The following CSMD2 variants were observed in gnomAD, a reference collection of about 807,000 sequenced individuals.
The protein encoded by CSMD2 is CUB and sushi domain-containing protein 2.
In CSMD2, 130 loss-of-function variants were observed where a neutral mutation model predicts 398.5. The observed-to-expected ratio is 0.33, with a 90% CI of 0.28 to 0.38. The LOEUF (loss-of-function observed/expected upper bound fraction) is 0.38, where lower values mean the gene tolerates loss of function less well. CSMD2 is among the 10% of genes least tolerant of loss of function. The pLI is 1.00. For missense variants in CSMD2, 3,829 were observed against 4,764.9 expected, an observed-to-expected ratio of 0.80 and a Z score of 5.78; for synonymous variants, 1,828 against 1,908.5, an observed-to-expected ratio of 0.96 and a Z score of 1.10.
intron 2 of CSMD2, among the ~76,000 whole-genome samples, chr1:34,053,964 A>T (rs1427085100): frequency 6.6e-6 from 1 of 152,162 alleles, no homozygotes; most frequent in East Asian, 1.9e-4. Flanking sequence ...GCCCACCTGA[A>T]TTTGTAAATA....
rs1351612059 is a variant in CSMD2 at position 33,982,963 on chromosome 1, G to A, written c.518-47009C>T. On this transcript the variant is annotated intron_variant, in intron 3 of 70. Transcript: ENST00000373381. ...GGAGCCCAAGAAGGATGAATTAAAGGGGAGTGAGATGAGGAGGGCAACACT... is the reference window on the plus strand; with the variant it reads ...GGAGCCCAAGAAGGATGAATTAAAGAGGAGTGAGATGAGGAGGGCAACACT... Among the ~76,000 whole-genome samples the A allele has an allele frequency of 2.6e-5, 4 of 152,218 alleles. No individual in the cohort carries two copies. In the East Asian group the frequency reaches 5.8e-4, roughly 22 times the overall value.
intron 12 of CSMD2, among the ~76,000 whole-genome samples, chr1:33,775,251 C>T (rs993180337): frequency 1.3e-5 from 2 of 152,188 alleles, no homozygotes; most frequent in African/African-American, 4.8e-5. Context: ...GGATCCAACC[C>T]TATGCTCAGA....
chr1:33,832,274 T>G (rs1039088901), intron 6 of CSMD2, among the ~76,000 whole-genome samples: 6 of 151,958 alleles, frequency 3.9e-5, no homozygotes, highest in African/African-American at 1.5e-4. Flanking sequence ...AAAGCACTCC[T>G]CAGCAAATGT....
chr1:33,633,515 A>C lies in CSMD2; in HGVS notation c.5107T>G (p.Phe1703Val), dbSNP rs755502678. Residue 1703 changes from phenylalanine (F) to valine (V), a missense_variant, in exon 32 of 71, where the codon TTC becomes GTC. This residue lies in a region of CSMD2 where 2,001 missense variants were observed against 2,567.1 expected (regional missense o/e 0.78). Transcript: ENST00000373381. The surrounding 1 kb of genome is among the most constrained non-coding windows in gnomAD (Gnocchi z 5.0). ...KDYVVFGQFA[F>V]FHTALNDVVE... is the part of the protein sequence containing the mutation. ...ACGTCGTTGAGGGCCGTGTGAAAGA[A>C]GGCGAACTGGCCAAACACCACTGTG... 4 of 1,552,754 alleles carry C rather than the reference A, an allele frequency of 2.6e-6. No homozygotes were observed. The highest frequency in any genetic ancestry group is 2.6e-6 in the Non-Finnish European group (3 of 1,147,444).
intron 53 of CSMD2, among the ~76,000 whole-genome samples, chr1:33,564,338 C>A (rs1658853097): frequency 6.6e-6 from 1 of 152,166 alleles, no homozygotes; most frequent in South Asian, 2.1e-4. Flanking sequence ...CACCTGAGTG[C>A]CTAACTACTT....
chr1:33,581,417 T>C (rs947990580), intron 47 of CSMD2, among the ~76,000 whole-genome samples: 37 of 132,520 alleles, frequency 2.8e-4, no homozygotes, highest in East Asian at 2.4e-3. Flanking sequence ...TGCATGCCTG[T>C]AGTCCCAGCT....
chr1:34,028,402 T>C (rs1649967836), intron 3 of CSMD2, among the ~76,000 whole-genome samples: 1 of 152,226 alleles, frequency 6.6e-6, no homozygotes, highest in Non-Finnish European at 1.5e-5. Flanking sequence ...TTGAATAATT[T>C]AAAATTCAGA....
At position 33,610,226 on chromosome 1, in the gene CSMD2, ATT is replaced by A. The variant is rs11367076; in HGVS notation, c.6343+813_6343+814del. 6.1e-3 allele frequency among the ~76,000 whole-genome samples: 880 copies of A among 144,326 alleles called. 13 individuals are homozygous for A. The highest frequency in any genetic ancestry group is 0.018 in the African/African-American group (731 of 39,638). The allele number at this position is 144,326 out of a possible 152,430, so 94.7% of individuals were successfully genotyped here. On this transcript the variant is annotated intron_variant, in intron 41 of 70. Coordinates refer to ENST00000373381, the MANE Select transcript of CSMD2 (RefSeq NM_001281956.2). ...TCACAAAATTATCTACAGTGTTTAG[ATT>A]TTTTTTTTTTTTTTTACAAACATGA... is the stretch of plus-strand genomic sequence containing the variant.
chr1:34,037,048 T>C (rs938923055), intron 2 of CSMD2, among the ~76,000 whole-genome samples: 34 of 152,174 alleles, frequency 2.2e-4, no homozygotes, highest in African/African-American at 7.0e-4. Flanking sequence ...TCTACCTGCC[T>C]TGTGGCTACC....
At position 33,540,701 on chromosome 1, in the gene CSMD2, G is replaced by A; in HGVS notation, c.9458-3C>T. On this transcript the variant is annotated splice_region_variant and splice_polypyrimidine_tract_variant and intron_variant, in intron 59 of 70. Coordinates refer to ENST00000373381, the MANE Select transcript of CSMD2 (RefSeq NM_001281956.2). The stretch of plus-strand genomic sequence containing the variant: ...CGGAGGTGGCTTGCACATGAGAGCT[G>A]GAGGGAGACCAAAGCAGGCTGAGTT... The A allele has an allele frequency of 6.2e-7, 1 of 1,614,088 alleles. No homozygotes were observed. Among genetic ancestry groups the A allele is most frequent in the Non-Finnish European group, 8.5e-7 (1 of 1,179,980 alleles).
intron 5 of CSMD2, among the ~76,000 whole-genome samples, chr1:33,879,103 A>G (rs551364641): frequency 6.6e-6 from 1 of 152,290 alleles, no homozygotes; most frequent in East Asian, 1.9e-4. Context: ...GGTGGCTTCT[A>G]TGGTGCCAGC....
At chr1:34,041,339 C>T (rs775589171) in intron 2 of CSMD2, among the ~76,000 whole-genome samples, 10 of 152,274 alleles carry the variant, frequency 6.6e-5, no homozygotes, top group Non-Finnish European at 1.5e-4. Context: ...ACCTGAGGGT[C>T]TTCCTGGAAT....
At chr1:34,116,027 G>A in intron 1 of CSMD2, among the ~76,000 whole-genome samples, 1 of 151,888 alleles carries the variant, frequency 6.6e-6, no homozygotes. Flanking sequence ...AATGTAGCAA[G>A]AGAGGAAAAA....
intron 10 of CSMD2, 110 bp downstream of exon 10, chr1:33,810,631 GTC>G: frequency 9.4e-7 from 1 of 1,063,336 alleles, no homozygotes; most frequent in Non-Finnish European, 1.4e-6. Context: ...TAAAAGAACT[GTC>G]TGCAGAGAAT....
intron 13 of CSMD2, among the ~76,000 whole-genome samples, chr1:33,747,229 T>G (rs921730926): frequency 6.6e-6 from 1 of 152,198 alleles, no homozygotes; most frequent in Non-Finnish European, 1.5e-5. Context: ...GGTAATGAAT[T>G]TAAATAATTT....
rs1189248889 is a variant in CSMD2, at chr1:33,559,581, A to T, written c.8381-108T>A. ...TAGGCCATCAGTGAAGTTCAGCCCTAAGTCTAACTTCAATCTCTTTTGCTG... is the reference window on the plus strand; with the variant it reads ...TAGGCCATCAGTGAAGTTCAGCCCTTAGTCTAACTTCAATCTCTTTTGCTG... On this transcript the variant is annotated intron_variant, in intron 53 of 70. Coordinates refer to ENST00000373381, the MANE Select transcript of CSMD2 (RefSeq NM_001281956.2). This position sits in a 1 kb window ranked among gnomAD's most constrained non-coding sequence, Gnocchi z 4.0. 2 of 935,658 alleles carry T rather than the reference A, an allele frequency of 2.1e-6. No individual in the cohort carries two copies. The highest frequency in any genetic ancestry group is 3.2e-6 in the Non-Finnish European group (2 of 627,264). The allele number at this position is 935,658 out of a possible 1,614,324, so 58.0% of individuals were successfully genotyped here.
intron 13 of CSMD2, 28 bp from the exon 14 acceptor site, chr1:33,743,634 T>A (rs1011297355): frequency 2.7e-6 from 4 of 1,506,328 alleles, no homozygotes; most frequent in Non-Finnish European, 3.6e-6. Flanking sequence ...TGGAGGTCAG[T>A]AAGCATCCCC....
intron 3 of CSMD2, among the ~76,000 whole-genome samples, chr1:33,953,841 T>C (rs577407677): frequency 6.6e-6 from 1 of 152,134 alleles, no homozygotes; most frequent in East Asian, 1.9e-4. Flanking sequence ...GCTATGAGCA[T>C]GTCCAAAATT....
chr1:33,833,832 C>G (rs1659910084), intron 6 of CSMD2, among the ~76,000 whole-genome samples: 1 of 152,026 alleles, frequency 6.6e-6, no homozygotes, highest in African/African-American at 2.4e-5. Flanking sequence ...GTACAAAAAT[C>G]ACAAGCATTC....
Sources: allele counts gnomAD v4.1 joint callset (sites outside exome capture counted in the v4.1 genomes callset), GRCh38; gene constraint gnomAD v4.1.1; regional missense constraint gnomAD v4.1.1; non-coding constraint Gnocchi (gnomAD v3.1); transcripts MANE v1.5; gene names NCBI Gene and HGNC (gene_info 2026-07-23, HGNC 2026-07-21).